Variants in MEGF10 observed in about 807,000 individuals in gnomAD.
MEGF10 encodes the protein multiple epidermal growth factor-like domains protein 10.
In MEGF10, 86 loss-of-function variants were observed where a neutral mutation model predicts 147.5. That is an observed-to-expected ratio of 0.58 (90% CI 0.49 to 0.70). The LOEUF (loss-of-function observed/expected upper bound fraction) is 0.70, where lower values mean the gene tolerates loss of function less well. MEGF10 is among the 30% of genes least tolerant of loss of function. MEGF10 has a pLI of 0.00. For synonymous variants in MEGF10, 478 were observed against 525.5 expected, an observed-to-expected ratio of 0.91 and a Z score of 1.24; for missense variants, 1,329 against 1,487.3, an observed-to-expected ratio of 0.89 and a Z score of 1.75.
At chr5:127,371,501 A>G (rs1353419716) in intron 5 of MEGF10, among the ~76,000 whole-genome samples, 12 of 152,160 alleles carry the variant, frequency 7.9e-5, no homozygotes, top group Non-Finnish European at 1.8e-4. Context: ...ACATTATTAT[A>G]AACTAGTGGG....
chr5:127,425,823 A>C (rs1414753003), intron 13 of MEGF10, among the ~76,000 whole-genome samples: 1 of 152,210 alleles, frequency 6.6e-6, no homozygotes, highest in African/African-American at 2.4e-5. Flanking sequence ...ATAAGCCCAG[A>C]GAAGCAAGCA....
chr5:127,393,444 G>T (rs1404709180), intron 5 of MEGF10, among the ~76,000 whole-genome samples: 1 of 152,218 alleles, frequency 6.6e-6, no homozygotes, highest in African/African-American at 2.4e-5. Flanking sequence ...CATTGAAGTG[G>T]TTAAATATGA....
the MEGF10 span, among the ~76,000 whole-genome samples, chr5:127,282,060 A>G: frequency 6.6e-6 from 1 of 152,124 alleles, no homozygotes; most frequent in Non-Finnish European, 1.5e-5. Flanking sequence ...GGGAGAGTAA[A>G]TCTGCCTGCC....
chr5:127,357,010 T>G (rs893534992), intron 4 of MEGF10, among the ~76,000 whole-genome samples: 1 of 152,192 alleles, frequency 6.6e-6, no homozygotes, highest in Admixed American at 6.5e-5. Flanking sequence ...AAACACTGCT[T>G]TGAGGGATTT....
At chr5:127,315,040 T>C (rs1157262623) in intron 1 of MEGF10, among the ~76,000 whole-genome samples, 3 of 151,870 alleles carry the variant, frequency 2.0e-5, no homozygotes, top group Non-Finnish European at 4.4e-5. Context: ...AGGGAGAGAA[T>C]TTATAATAAA....
chr5:127,361,010 C>G (rs1762453227), intron 4 of MEGF10, among the ~76,000 whole-genome samples: 1 of 151,924 alleles, frequency 6.6e-6, no homozygotes, highest in African/African-American at 2.4e-5. Flanking sequence ...TTCTTTCTTA[C>G]TGCAAATGTC....
At chr5:127,273,966 T>C in the MEGF10 span, among the ~76,000 whole-genome samples, 2 of 152,230 alleles carry the variant, frequency 1.3e-5, no homozygotes, top group African/African-American at 2.4e-5. Flanking sequence ...AAGTGATGAA[T>C]GACCATGTGA....
intron 8 of MEGF10, among the ~76,000 whole-genome samples, chr5:127,406,035 A>C (rs1210944887): frequency 6.6e-6 from 1 of 152,208 alleles, no homozygotes. Context: ...TATTATAGAA[A>C]AATGAGTTGG....
chr5:127,320,739 C>A (rs1227503504), intron 1 of MEGF10, among the ~76,000 whole-genome samples: 1 of 152,188 alleles, frequency 6.6e-6, no homozygotes, highest in Non-Finnish European at 1.5e-5. Flanking sequence ...ATCTTCAAAG[C>A]CTTTGACAAT....
chr5:127,273,868 T>C, the MEGF10 span, among the ~76,000 whole-genome samples: 7 of 152,340 alleles, frequency 4.6e-5, no homozygotes, highest in South Asian at 4.1e-4. Flanking sequence ...ATTAGCCGCA[T>C]GTAATATTTA....
chr5:127,294,753 C>T (rs765650627), intron 1 of MEGF10, among the ~76,000 whole-genome samples: 79 of 150,938 alleles, frequency 5.2e-4, no homozygotes, highest in Admixed American at 3.4e-3. Flanking sequence ...GAGCTGAGAT[C>T]GCGACACTGC....
intron 5 of MEGF10, among the ~76,000 whole-genome samples, chr5:127,390,728 A>T (rs560687736): frequency 6.6e-6 from 1 of 152,194 alleles, no homozygotes; most frequent in Admixed American, 6.5e-5. Flanking sequence ...CCAGCTGCCT[A>T]TTCCTGGAAA....
At chr5:127,296,678 A>AGAATTTT (rs1759517211) in intron 1 of MEGF10, among the ~76,000 whole-genome samples, 1 of 152,224 alleles carries the variant, frequency 6.6e-6, no homozygotes, top group Non-Finnish European at 1.5e-5. Context: ...CTTCTGCTGA[A>AGAATTTT]GAATTTTGGC....
chr5:127,396,676 C>T lies in MEGF10; in HGVS notation c.557C>T (p.Thr186Ile). The T allele has an allele frequency of 1.9e-6, 3 of 1,614,116 alleles. No homozygotes were observed. The highest frequency in any genetic ancestry group is 2.5e-6 in the Non-Finnish European group (3 of 1,180,044). ...TGCGAGGACCGCTGTGAGCAGGGCA[C>T]CTATGGTAACGACTGTCATCAGAGA... ...WRCEDRCEQGTYGNDCHQRCQ... is the reference protein window; with the variant it reads ...WRCEDRCEQGIYGNDCHQRCQ... Residue 186 changes from threonine to isoleucine, a missense_variant, in exon 6 of 25, where the codon ACC becomes ATC. By Grantham distance (89) the Thr-to-Ile change is moderately conservative. Transcript: ENST00000503335.
intron 1 of MEGF10, among the ~76,000 whole-genome samples, chr5:127,328,471 CA>C (rs1761129433): frequency 6.6e-6 from 1 of 152,152 alleles, no homozygotes; most frequent in Non-Finnish European, 1.5e-5. Flanking sequence ...ACTGAACTTC[CA>C]AAGCAATGAG....
At chr5:127,286,723 A>AG (rs1450969379), upstream of MEGF10, among the ~76,000 whole-genome samples, 3 of 151,898 alleles carry the variant, frequency 2.0e-5, no homozygotes, top group African/African-American at 7.2e-5. Context: ...GAAATAGTAA[A>AG]GGTAAGAGCT....
intron 1 of MEGF10, among the ~76,000 whole-genome samples, chr5:127,318,517 T>C (rs1315202113): frequency 1.3e-5 from 2 of 152,174 alleles, no homozygotes; most frequent in Admixed American, 1.3e-4. Flanking sequence ...AAAATGCATC[T>C]ACAAGAACTT....
intron 1 of MEGF10, among the ~76,000 whole-genome samples, chr5:127,294,227 A>G (rs977891783): frequency 6.6e-6 from 1 of 152,220 alleles, no homozygotes; most frequent in Non-Finnish European, 1.5e-5. Context: ...TTAATATAGC[A>G]TAATCACATT....
intron 1 of MEGF10, among the ~76,000 whole-genome samples, chr5:127,320,625 C>T (rs78502142): frequency 0.021 from 2,760 of 132,838 alleles, 75 homozygotes; most frequent in Middle Eastern, 0.12. Context: ...GGTGAGGCTG[C>T]CCAAGCATTT....
Sources: allele counts gnomAD v4.1 joint callset (sites outside exome capture counted in the v4.1 genomes callset), GRCh38; gene constraint gnomAD v4.1.1; transcripts MANE v1.5; gene names NCBI Gene and HGNC (gene_info 2026-07-23, HGNC 2026-07-21).